Variants in SPDYE10 observed in about 807,000 individuals in gnomAD.
SPDYE10 encodes speedy/RINGO cell cycle regulator family member E10.
the SPDYE10 span, among the ~76,000 whole-genome samples, chr7:73,113,675 C>G: frequency 2.0e-5 from 3 of 151,948 alleles, no homozygotes; most frequent in Non-Finnish European, 2.9e-5. Flanking sequence ...AGGTGGATCG[C>G]TTGAGGTCAG....
the SPDYE10 span, among the ~76,000 whole-genome samples, chr7:73,107,967 GTTGTAGAGA>G: frequency 1.8e-5 from 1 of 56,976 alleles, no homozygotes; most frequent in Non-Finnish European, 3.2e-5. Context: ...AGCCAGTGTG[GTTGTAGAGA>G]TTGTAGAGAG....
chr7:73,117,009 C>T, the SPDYE10 span, among the ~76,000 whole-genome samples: 3 of 151,980 alleles, frequency 2.0e-5, no homozygotes, highest in African/African-American at 7.3e-5. Context: ...GATTCTCGTG[C>T]CTCAGCCTCC....
At chr7:73,123,788 C>CCT in the SPDYE10 span, among the ~76,000 whole-genome samples, 4,774 of 97,338 alleles carry the variant, frequency 0.049, 91 homozygotes, top group African/African-American at 0.074. Flanking sequence ...TCTCTCTCTC[C>CCT]CTCTCTCTCT....
At chr7:73,127,589 G>A in the SPDYE10 span, among the ~76,000 whole-genome samples, 1 of 74,764 alleles carries the variant, frequency 1.3e-5, no homozygotes, top group East Asian at 3.3e-4. Context: ...GGAGGGGAGG[G>A]GAAGGGGGAG....
At chr7:73,123,788 CCTCTCTCT>C in the SPDYE10 span, among the ~76,000 whole-genome samples, 245 of 97,448 alleles carry the variant, frequency 2.5e-3, no homozygotes, top group Middle Eastern at 7.9e-3. Context: ...TCTCTCTCTC[CCTCTCTCT>C]CTCTCTCTCT....
chr7:73,115,384 AGG>A, the SPDYE10 span, among the ~76,000 whole-genome samples: 30 of 151,934 alleles, frequency 2.0e-4, no homozygotes, highest in Non-Finnish European at 3.2e-4. Context: ...AGGAGCGGAG[AGG>A]GAGACCAGTT....
the SPDYE10 span, among the ~76,000 whole-genome samples, chr7:73,139,633 TTTTG>T: frequency 2.3e-4 from 35 of 151,022 alleles, no homozygotes; most frequent in Middle Eastern, 3.4e-3. Flanking sequence ...CTTTTTTTGT[TTTTG>T]TTTGTTTGTT....
chr7:73,123,178 C>A, the SPDYE10 span, among the ~76,000 whole-genome samples: 1 of 152,226 alleles, frequency 6.6e-6, no homozygotes, highest in Non-Finnish European at 1.5e-5. Context: ...CCATTCCTGG[C>A]CCAGGTGAGA....
the SPDYE10 span, among the ~76,000 whole-genome samples, chr7:73,130,339 G>A: frequency 1.3e-5 from 2 of 151,858 alleles, no homozygotes; most frequent in Admixed American, 1.3e-4. Context: ...GTTGGTTTAT[G>A]GAGTTTCAAA....
the SPDYE10 span, among the ~76,000 whole-genome samples, chr7:73,150,907 A>AAAAT: frequency 5.2e-4 from 6 of 11,576 alleles, no homozygotes; most frequent in East Asian, 7.5e-3. Context: ...AAAAAAAAAA[A>AAAAT]ATATATATAT....
At chr7:73,104,522 A>C in the SPDYE10 span, 1 of 102,078 alleles carries the variant, frequency 9.8e-6, no homozygotes, top group African/African-American at 3.3e-5. Flanking sequence ...ATTTAAATAA[A>C]TAAATATATT....
At chr7:73,137,608 AAGAAAGAAAGAAAG>A in the SPDYE10 span, among the ~76,000 whole-genome samples, 1 of 133,348 alleles carries the variant, frequency 7.5e-6, no homozygotes, top group East Asian at 2.0e-4. Context: ...GAAAGAAAGA[AAGAAAGAAAGAAAG>A]AAAGAAAGAA....
the SPDYE10 span, among the ~76,000 whole-genome samples, chr7:73,114,914 T>C: frequency 6.8e-6 from 1 of 147,372 alleles, no homozygotes; most frequent in Non-Finnish European, 1.5e-5. Context: ...TTTTTTTTTT[T>C]TTTTTTTTTT....
the SPDYE10 span, among the ~76,000 whole-genome samples, chr7:73,145,198 C>T: frequency 1.0e-5 from 1 of 95,878 alleles, no homozygotes; most frequent in African/African-American, 4.3e-5. Context: ...TTCTTTCTTT[C>T]GTCTTTCTTT....
At chr7:73,138,018 T>C in the SPDYE10 span, among the ~76,000 whole-genome samples, 1 of 151,430 alleles carries the variant, frequency 6.6e-6, no homozygotes, top group Non-Finnish European at 1.5e-5. Context: ...GTTGCCTAAT[T>C]GTCCCCAAGG....
At chr7:73,144,738 C>CA in the SPDYE10 span, among the ~76,000 whole-genome samples, 104 of 85,206 alleles carry the variant, frequency 1.2e-3, no homozygotes, top group African/African-American at 2.8e-3. Flanking sequence ...GACCCTGTCT[C>CA]AAAAAAAAAA....
chr7:73,126,575 T>C, the SPDYE10 span, among the ~76,000 whole-genome samples: 1 of 126,352 alleles, frequency 7.9e-6, no homozygotes, highest in Non-Finnish European at 1.6e-5. Flanking sequence ...AGTCCTCAAA[T>C]CAAAAACATA....
At chr7:73,134,524 A>AAAGC in the SPDYE10 span, among the ~76,000 whole-genome samples, 26 of 5,534 alleles carry the variant, frequency 4.7e-3, no homozygotes, top group African/African-American at 0.048. Flanking sequence ...GTATAATAAA[A>AAAGC]AAGAAAGAAA....
the SPDYE10 span, among the ~76,000 whole-genome samples, chr7:73,143,411 G>C: frequency 6.6e-6 from 1 of 150,428 alleles, no homozygotes; most frequent in Non-Finnish European, 1.5e-5. Flanking sequence ...GTGAGCAACA[G>C]ACATGCCAGG....
Sources: gnomAD v4.1 joint callset for allele counts (sites outside exome capture counted in the v4.1 genomes callset) on GRCh38, gnomAD v4.1.1 for gene constraint, MANE v1.5 for transcripts, NCBI Gene and HGNC (gene_info 2026-07-23, HGNC 2026-07-21) for gene names.